Variants in TAFA1 observed in about 807,000 individuals in gnomAD.
TAFA1 encodes TAFA chemokine like family member 1.
Under a neutral mutation model 18.5 loss-of-function variants are expected in TAFA1, and 4 were observed. The observed-to-expected ratio is 0.22, with a 90% CI of 0.11 to 0.49. The LOEUF is 0.49. TAFA1 is among the 20% of genes least tolerant of loss of function. The pLI is 0.98. For missense variants in TAFA1, 147 were observed against 169.0 expected, an observed-to-expected ratio of 0.87 and a Z score of 0.72; for synonymous variants, 56 against 55.2, an observed-to-expected ratio of 1.01 and a Z score of -0.06.
At chr3:68,110,992 C>T (rs1037598402) in intron 2 of TAFA1, among the ~76,000 whole-genome samples, 10 of 152,090 alleles carry the variant, frequency 6.6e-5, no homozygotes, top group Admixed American at 1.3e-4. Context: ...TGTTTGAATG[C>T]CCCCCTCCTC....
intron 2 of TAFA1, among the ~76,000 whole-genome samples, chr3:68,046,413 A>C (rs962081157): frequency 2.0e-5 from 3 of 152,156 alleles, no homozygotes; most frequent in Non-Finnish European, 2.9e-5. Context: ...TTTATTAAAA[A>C]ATTTTTCCAT....
Position 68,544,719 on chromosome 3 carries a change from G to C in TAFA1, c.*216G>C. On this transcript the variant is annotated 3_prime_UTR_variant, in exon 5 of 5. Transcript: ENST00000478136. The stretch of plus-strand genomic sequence containing the variant: ...ACCATGGAAAGTGGGCTTAAAAAAG[G>C]GTTTTCTCAGTGAAATTTTTGGGCA... 2.3e-6 allele frequency: 1 copy of C among 444,076 alleles called. No homozygotes were observed. The highest frequency in any genetic ancestry group is 4.0e-6 in the Non-Finnish European group (1 of 250,134). 27.5% of individuals were successfully genotyped at this position (444,076 alleles called of 1,614,324 possible). A position where few individuals can be genotyped will look rare whatever the true frequency, so the allele number is the denominator to read the frequency against.
chr3:68,454,227 A>G (rs1288668376), intron 3 of TAFA1, among the ~76,000 whole-genome samples: 1 of 152,166 alleles, frequency 6.6e-6, no homozygotes, highest in Non-Finnish European at 1.5e-5. Context: ...ATATGTACTA[A>G]GTCCCTTAAA....
In TAFA1 at chr3:68,071,974, A is replaced by C. The variant is rs902462336; in HGVS notation, c.118+65230A>C. ...GTATTAGGAATTACAATTAGACATA[A>C]AATTTGGGTAAGGACAAATATCTAA... On this transcript the variant is annotated intron_variant, in intron 2 of 4. Coordinates refer to ENST00000478136, the MANE Select transcript of TAFA1 (RefSeq NM_213609.4). Among the ~76,000 whole-genome samples the C allele has an allele frequency of 2.6e-5, 4 of 152,192 alleles. No individual in the cohort carries two copies. The East Asian group carries it at 5.8e-4, about 22-fold the overall frequency.
intron 2 of TAFA1, among the ~76,000 whole-genome samples, chr3:68,386,247 C>G (rs1291560457): frequency 6.6e-6 from 1 of 152,124 alleles, no homozygotes; most frequent in Non-Finnish European, 1.5e-5. Flanking sequence ...CTTAAAATGT[C>G]CAAAGTCCTA....
chr3:68,028,192 C>A (rs1704857266), intron 2 of TAFA1, among the ~76,000 whole-genome samples: 1 of 151,952 alleles, frequency 6.6e-6, no homozygotes, highest in African/African-American at 2.4e-5. Flanking sequence ...CCCAGCTACC[C>A]AGGAAGGTGA....
At chr3:68,537,336 C>A (rs1004414095) in intron 3 of TAFA1, among the ~76,000 whole-genome samples, 4 of 152,090 alleles carry the variant, frequency 2.6e-5, no homozygotes, top group African/African-American at 9.7e-5. Context: ...ATTACACTAA[C>A]CCCCTAATGG....
intron 2 of TAFA1, among the ~76,000 whole-genome samples, chr3:68,023,582 A>G (rs1704745310): frequency 6.6e-6 from 1 of 152,094 alleles, no homozygotes; most frequent in Non-Finnish European, 1.5e-5. Context: ...TTAGAAAATG[A>G]TATTTTCTTT....
intron 2 of TAFA1, among the ~76,000 whole-genome samples, chr3:68,313,604 A>G (rs1559612860): frequency 6.6e-6 from 1 of 152,248 alleles, no homozygotes; most frequent in Non-Finnish European, 1.5e-5. Context: ...AAAAGTCAAA[A>G]TAATGAAGAT....
chr3:68,072,919 T>C (rs2064774820), intron 2 of TAFA1, among the ~76,000 whole-genome samples: 1 of 152,250 alleles, frequency 6.6e-6, no homozygotes, highest in South Asian at 2.1e-4. Context: ...ATCAGTGTTA[T>C]TCGGTTCTTG....
At position 68,544,615 on chromosome 3, in the gene TAFA1, C is replaced by A; in HGVS notation, c.*112C>A. ...AATGGATTTCTTACTTGCACTTTGA[C>A]TGGCTACCAGATAATCACAGTGCGT... On this transcript the variant is annotated 3_prime_UTR_variant, in exon 5 of 5. Transcript: ENST00000478136. 2.8e-6 allele frequency: 3 copies of A among 1,076,564 alleles called. No individual in the cohort carries two copies. The highest frequency in any genetic ancestry group is 4.2e-6 in the Non-Finnish European group (3 of 712,476). 66.7% of individuals were successfully genotyped at this position (1,076,564 alleles called of 1,614,324 possible).
At chr3:68,349,096 C>T (rs1003733906) in intron 2 of TAFA1, among the ~76,000 whole-genome samples, 1 of 151,432 alleles carries the variant, frequency 6.6e-6, no homozygotes, top group African/African-American at 2.4e-5. Context: ...CAGAATCATT[C>T]CCTATGGATT....
intron 2 of TAFA1, among the ~76,000 whole-genome samples, chr3:68,119,551 A>G (rs1458415062): frequency 6.7e-6 from 1 of 149,116 alleles, no homozygotes; most frequent in East Asian, 2.0e-4. Context: ...TGTATATGGT[A>G]TATGGTAAGT....
intron 2 of TAFA1, among the ~76,000 whole-genome samples, chr3:68,340,189 A>G (rs1198757952): frequency 6.6e-6 from 1 of 152,204 alleles, no homozygotes; most frequent in Non-Finnish European, 1.5e-5. Context: ...GACAGCACAG[A>G]ATCCTAAAAG....
At chr3:68,199,516 T>C (rs2066448954) in intron 2 of TAFA1, among the ~76,000 whole-genome samples, 1 of 151,564 alleles carries the variant, frequency 6.6e-6, no homozygotes, top group African/African-American at 2.4e-5. Flanking sequence ...TCCATTTATT[T>C]AGTTCTTTAA....
At chr3:68,541,436 CT>C (rs2073372752) in intron 4 of TAFA1, among the ~76,000 whole-genome samples, 1 of 152,128 alleles carries the variant, frequency 6.6e-6, no homozygotes, top group Non-Finnish European at 1.5e-5. Flanking sequence ...TCTTCTACAT[CT>C]TATGTATTCT....
intron 3 of TAFA1, among the ~76,000 whole-genome samples, chr3:68,429,524 A>C (rs1409884245): frequency 6.6e-6 from 1 of 151,900 alleles, no homozygotes; most frequent in African/African-American, 2.4e-5. Context: ...AAAGATTCAG[A>C]GTACCAGTTC....
chr3:68,497,753 C>T (rs2072572488), intron 3 of TAFA1, among the ~76,000 whole-genome samples: 1 of 152,154 alleles, frequency 6.6e-6, no homozygotes, highest in Admixed American at 6.5e-5. Context: ...AAAGTCTTTG[C>T]AGTAGCGGAA....
chr3:68,124,202 C>T (rs903484607), intron 2 of TAFA1, among the ~76,000 whole-genome samples: 1 of 152,084 alleles, frequency 6.6e-6, no homozygotes, highest in Non-Finnish European at 1.5e-5. Flanking sequence ...CCTTGTCACT[C>T]GATGGTAACA....
Sources: gnomAD v4.1 joint callset for allele counts (sites outside exome capture counted in the v4.1 genomes callset) on GRCh38, gnomAD v4.1.1 for gene constraint, MANE v1.5 for transcripts, NCBI Gene and HGNC (gene_info 2026-07-23, HGNC 2026-07-21) for gene names.